Variants in HDAC9 observed in about 807,000 individuals in gnomAD.
HDAC9 encodes the protein histone deacetylase 9.
A neutral mutation model predicts 139.4 loss-of-function variants in HDAC9; 41 were observed. The observed-to-expected ratio is 0.29, with a 90% CI of 0.23 to 0.38. The LOEUF is 0.38. Among genes scored for constraint, HDAC9 ranks in the 10% least tolerant of loss-of-function variants. HDAC9 has a pLI of 1.00. For missense variants in HDAC9, 1,147 were observed against 1,297.0 expected (o/e 0.88, Z 1.78); for synonymous variants, 517 against 476.2 (o/e 1.09, Z -1.12).
chr7:18,131,291 A>G (rs76002786), intron 1 of HDAC9, among the ~76,000 whole-genome samples: 2,661 of 152,274 alleles, frequency 0.017, 44 homozygotes, highest in South Asian at 0.037. Context: ...TCAGTGCCCA[A>G]TATTTGTTAG....
intron 22 of HDAC9, among the ~76,000 whole-genome samples, chr7:18,922,407 C>T (rs1803837719): frequency 6.6e-6 from 1 of 151,996 alleles, no homozygotes; most frequent in Non-Finnish European, 1.5e-5. Flanking sequence ...AGGATCAACT[C>T]AAATAACACA....
chr7:18,316,104 G>A (rs772120866), intron 1 of HDAC9, among the ~76,000 whole-genome samples: 3 of 152,126 alleles, frequency 2.0e-5, no homozygotes, highest in Non-Finnish European at 4.4e-5. Flanking sequence ...AAGTACCTGT[G>A]AAGTCATCTG....
At chr7:18,163,662 G>C (rs184784022) in intron 2 of HDAC9, among the ~76,000 whole-genome samples, 168 of 152,118 alleles carry the variant, frequency 1.1e-3, no homozygotes, top group African/African-American at 3.6e-3. Flanking sequence ...TTCTGTGAGC[G>C]GCATTGCTTA....
At chr7:18,218,907 A>G (rs989806055) in intron 2 of HDAC9, among the ~76,000 whole-genome samples, 57 of 152,268 alleles carry the variant, frequency 3.7e-4, no homozygotes, top group African/African-American at 1.2e-3. Context: ...CATTTACCTA[A>G]AATAGATTCC....
chr7:18,891,152 T>C (rs1420402329), intron 22 of HDAC9, among the ~76,000 whole-genome samples: 1 of 152,214 alleles, frequency 6.6e-6, no homozygotes, highest in Non-Finnish European at 1.5e-5. Flanking sequence ...TTGTTACTCT[T>C]TAGTCAAAGA....
chr7:18,804,409 A>G (rs934634895), intron 17 of HDAC9, among the ~76,000 whole-genome samples: 1 of 152,168 alleles, frequency 6.6e-6, no homozygotes, highest in Non-Finnish European at 1.5e-5. Flanking sequence ...TGGTTCATAC[A>G]CACGTATGCA....
At chr7:18,596,603 T>C (rs143754083) in intron 6 of HDAC9, among the ~76,000 whole-genome samples, 1 of 152,288 alleles carries the variant, frequency 6.6e-6, no homozygotes, top group African/African-American at 2.4e-5. Context: ...GGAAACTGTT[T>C]AAGATAGCTT....
intron 13 of HDAC9, among the ~76,000 whole-genome samples, chr7:18,739,574 C>A (rs1176256712): frequency 6.6e-6 from 1 of 152,166 alleles, no homozygotes; most frequent in Non-Finnish European, 1.5e-5. Context: ...ACCCTGTTTG[C>A]CTGGGTATCA....
At chr7:18,764,657 A>G (rs1051889852) in intron 15 of HDAC9, among the ~76,000 whole-genome samples, 7 of 152,150 alleles carry the variant, frequency 4.6e-5, no homozygotes, top group Admixed American at 1.3e-4. Flanking sequence ...TATCTGGAAG[A>G]CCGGATTGAA....
intron 14 of HDAC9, among the ~76,000 whole-genome samples, chr7:18,760,192 A>G (rs911867274): frequency 5.9e-5 from 9 of 152,142 alleles, no homozygotes; most frequent in African/African-American, 1.9e-4. Context: ...TGGTTGCCAC[A>G]TTCTGTTTTC....
At chr7:18,649,497 A>G (rs1253366902) in intron 11 of HDAC9, among the ~76,000 whole-genome samples, 4 of 152,148 alleles carry the variant, frequency 2.6e-5, no homozygotes, top group Non-Finnish European at 5.9e-5. Context: ...TTTGTGCTGT[A>G]TCATCTACAA....
At position 19,000,663 on chromosome 7, in the gene HDAC9, AATG is replaced by A. The variant is rs1786706273; in HGVS notation, c.*4604_*4606del. 1 of 152,216 alleles carries A rather than the reference AATG, an allele frequency of 6.6e-6. No individual in the cohort carries two copies. Among genetic ancestry groups the A allele is most frequent in the South Asian group, 2.1e-4 (1 of 4,836 alleles). 9.4% of individuals were successfully genotyped at this position (152,216 alleles called of 1,614,324 possible). A position where few individuals can be genotyped will look rare whatever the true frequency, so the allele number is the denominator to read the frequency against. ...GATTGGGGCTGTTTGGACTTGATCCAATGATAAGGTAATAAGGTTGTTGCAATT... is the reference window on the plus strand; with the variant it reads ...GATTGGGGCTGTTTGGACTTGATCCAATAAGGTAATAAGGTTGTTGCAATT... On this transcript the variant is annotated 3_prime_UTR_variant, in exon 26 of 26. Coordinates refer to ENST00000686413, the MANE Select transcript of HDAC9 (RefSeq NM_178425.4).
At chr7:18,708,367 C>T (rs1432430791) in intron 12 of HDAC9, among the ~76,000 whole-genome samples, 4 of 152,168 alleles carry the variant, frequency 2.6e-5, no homozygotes, top group African/African-American at 7.2e-5. Flanking sequence ...AAGACAGGAT[C>T]TTTAACAAAC....
rs1348314775 is a variant in HDAC9, at chr7:19,001,691, C to G, written c.*5629C>G. The G allele has an allele frequency of 6.6e-6, 1 of 151,956 alleles. No homozygotes were observed. The highest frequency in any genetic ancestry group is 1.5e-5 in the Non-Finnish European group (1 of 67,946). 9.4% of individuals were successfully genotyped at this position (151,956 alleles called of 1,614,324 possible). On this transcript the variant is annotated 3_prime_UTR_variant, in exon 26 of 26. Transcript: ENST00000686413. ...TAGTCTCAAATTCTTTCTGGGGAAG[C>G]AACGTCAGTGTCTACCTCCACAGTA... is the stretch of plus-strand genomic sequence containing the variant.
At chr7:18,736,779 C>A (rs1025076518) in intron 13 of HDAC9, among the ~76,000 whole-genome samples, 2 of 152,124 alleles carry the variant, frequency 1.3e-5, no homozygotes, top group African/African-American at 4.8e-5. Flanking sequence ...CCCTCTTTTT[C>A]TATTTATTGG....
intron 17 of HDAC9, among the ~76,000 whole-genome samples, chr7:18,827,228 T>A (rs1410292497): frequency 6.6e-6 from 1 of 152,122 alleles, no homozygotes; most frequent in Non-Finnish European, 1.5e-5. Flanking sequence ...TTGATTCCAC[T>A]AAATATTTAT....
At chr7:18,721,601 T>G (rs1490331561) in intron 12 of HDAC9, among the ~76,000 whole-genome samples, 1 of 152,158 alleles carries the variant, frequency 6.6e-6, no homozygotes, top group Non-Finnish European at 1.5e-5. Context: ...CTTGCTAAAG[T>G]CCATGATGAT....
chr7:18,654,651 G>A (rs943941417), intron 11 of HDAC9, among the ~76,000 whole-genome samples: 7 of 151,912 alleles, frequency 4.6e-5, no homozygotes, highest in Non-Finnish European at 7.4e-5. Flanking sequence ...GCAGGAAACC[G>A]GCTTTTCCTA....
At chr7:18,681,517 T>G (rs566487020) in intron 12 of HDAC9, among the ~76,000 whole-genome samples, 2 of 152,168 alleles carry the variant, frequency 1.3e-5, no homozygotes, top group East Asian at 3.9e-4. Flanking sequence ...TTTGAAAATA[T>G]ATGCTACAGT....
Sources: allele counts gnomAD v4.1 joint callset (sites outside exome capture counted in the v4.1 genomes callset), GRCh38; gene constraint gnomAD v4.1.1; transcripts MANE v1.5; gene names NCBI Gene and HGNC (gene_info 2026-07-23, HGNC 2026-07-21).